The following DNMT3A variants were observed in gnomAD, a reference collection of about 807,000 sequenced individuals.
DNMT3A encodes the protein DNA methyltransferase 3 alpha, also known as DNA (cytosine-5)-methyltransferase 3A.
DNMT3A carries 267 observed loss-of-function variants against 117.6 expected under a neutral mutation model. The ratio of observed to expected loss-of-function variants is 2.27; its 90% CI spans 2.05 to 2.51. The LOEUF (loss-of-function observed/expected upper bound fraction) is 2.51. Among genes scored for constraint, DNMT3A ranks in the 30% most tolerant of loss-of-function variants. The probability of loss-of-function intolerance (pLI) is 0.00; values close to 1 mark genes in which losing one functional copy is unlikely to be tolerated. For missense variants in DNMT3A, 1,029 were observed against 1,260.2 expected (o/e 0.82, Z 2.78); for synonymous variants, 432 against 474.8 (o/e 0.91, Z 1.17).
chr2:25,273,703 G>T (rs760523469), intron 6 of DNMT3A, among the ~76,000 whole-genome samples: 11 of 152,036 alleles, frequency 7.2e-5, no homozygotes, highest in Non-Finnish European at 1.3e-4. Flanking sequence ...GCCCTCCACG[G>T]GCTGTTCCCA....
intron 1 of DNMT3A, among the ~76,000 whole-genome samples, chr2:25,317,495 A>G (rs2034429120): frequency 6.6e-6 from 1 of 152,228 alleles, no homozygotes; most frequent in South Asian, 2.1e-4. Context: ...GCTGATATAT[A>G]ACACAGTCTT....
At chr2:25,342,164 C>T (rs1282892050), upstream of DNMT3A, among the ~76,000 whole-genome samples, 1 of 145,264 alleles carries the variant, frequency 6.9e-6, no homozygotes, top group Non-Finnish European at 1.5e-5. The surrounding 1 kb of genome is among the most constrained non-coding windows in gnomAD (Gnocchi z 5.9). Context: ...GAGGCAGCGC[C>T]GACTGGGGGG....
Position 25,252,272 on chromosome 2 carries a change from G to A in DNMT3A, c.640-4020C>T, listed in dbSNP as rs1355427359. On this transcript the variant is annotated intron_variant, in intron 6 of 22. Coordinates refer to ENST00000321117, the MANE Select transcript of DNMT3A (RefSeq NM_022552.5). The surrounding 1 kb of genome is among the most constrained non-coding windows in gnomAD (Gnocchi z 5.5). ...CCTGAAGCTCTGGAAGTAGCTGCCC[G>A]TCTTGGGGGAGGGGAAGGGGGCGAT... is the stretch of plus-strand genomic sequence containing the variant. The A allele has an allele frequency of 1.8e-6, 2 of 1,131,948 alleles. No homozygotes were observed. Among genetic ancestry groups the A allele is most frequent in the Non-Finnish European group, 2.4e-6 (2 of 837,882 alleles). 70.1% of individuals were successfully genotyped at this position (1,131,948 alleles called of 1,614,324 possible).
intron 12 of DNMT3A, 41 bp downstream of exon 12, chr2:25,245,979 G>A: frequency 6.2e-7 from 1 of 1,613,254 alleles, no homozygotes; most frequent in Non-Finnish European, 8.5e-7. Flanking sequence ...TCTGCCCCAT[G>A]CCACACTAGG....
At chr2:25,341,424 G>C (rs2035444759) in intron 1 of DNMT3A, among the ~76,000 whole-genome samples, 1 of 145,548 alleles carries the variant, frequency 6.9e-6, no homozygotes, top group South Asian at 2.1e-4. Flanking sequence ...GAAGGCGGGG[G>C]CGGCCCGGCC....
rs1675620058 is a variant in DNMT3A at position 25,251,986 on chromosome 2, T to TG, written c.640-3735dup. 4 of 571,308 alleles carry TG rather than the reference T, an allele frequency of 7.0e-6. No homozygotes were observed. Among genetic ancestry groups the TG allele is most frequent in the African/African-American group, 4.0e-5 (2 of 50,442 alleles). The allele number at this position is 571,308 out of a possible 1,614,324, so 35.4% of individuals were successfully genotyped here. On this transcript the variant is annotated intron_variant, in intron 6 of 22. Transcript: ENST00000321117. ...AGGTGCCACTGGAGCCCTCGAGGAG[T>TG]GGGGCCTTGGGGCTCGTGGGCAGGA...
intron 6 of DNMT3A, among the ~76,000 whole-genome samples, chr2:25,274,728 C>T (rs557706100): frequency 6.6e-6 from 1 of 152,362 alleles, no homozygotes; most frequent in South Asian, 2.1e-4. Context: ...AGAGCAGGAA[C>T]CGTATACGCC....
chr2:25,319,609 G>A lies in DNMT3A; in HGVS notation c.-177-5448C>T, dbSNP rs528839344. The stretch of plus-strand genomic sequence containing the variant: ...GCCGCATGCCAGTCACCTGGCATGA[G>A]CCAGAGAGGGCCAGCCTTCCCACTG... On this transcript the variant is annotated intron_variant, in intron 1 of 22. Coordinates refer to ENST00000321117, the MANE Select transcript of DNMT3A (RefSeq NM_022552.5). 1.3e-3 allele frequency among the ~76,000 whole-genome samples: 198 copies of A among 152,368 alleles called. 1 individual carries two copies. Among genetic ancestry groups the A allele is most frequent in the African/African-American group, 4.4e-3 (185 of 41,592 alleles).
Position 25,240,678 on chromosome 2 carries a change from TC to T in DNMT3A, c.2134del (p.Asp712ThrfsTer67), listed in dbSNP as rs1673911721. On this transcript the variant is annotated frameshift_variant, in exon 18 of 23. Coordinates refer to ENST00000321117, the MANE Select transcript of DNMT3A (RefSeq NM_022552.5). LOFTEE classifies it high-confidence loss of function. Reference protein sequence around the residue: ...DLVIGGSPCNDLSIVNPARKG... With the variant: ...DLVIGGSPCNXLSIVNPARKG... ...GCGAGCAGGGTTGACGATGGAGAGG[TC>T]ATTGCAGGGACTGCCCCCAATCACC... 1.2e-6 allele frequency: 2 copies of T among 1,613,744 alleles called. No homozygotes were observed. The highest frequency in any genetic ancestry group is 1.7e-5 in the Admixed American group (1 of 59,972).
At chr2:25,249,198 C>A (rs1304276942) in intron 6 of DNMT3A, among the ~76,000 whole-genome samples, 1 of 152,174 alleles carries the variant, frequency 6.6e-6, no homozygotes, top group African/African-American at 2.4e-5. Context: ...TCAAGACCAG[C>A]CTGGGCAACA....
intron 4 of DNMT3A, among the ~76,000 whole-genome samples, chr2:25,275,986 C>T (rs1227754434): frequency 6.6e-6 from 1 of 152,080 alleles, no homozygotes; most frequent in Non-Finnish European, 1.5e-5. Flanking sequence ...CCAGCCTGAG[C>T]GGCCTCCCTG....
chr2:25,303,688 T>C (rs1019919343), intron 2 of DNMT3A, among the ~76,000 whole-genome samples: 3 of 152,250 alleles, frequency 2.0e-5, no homozygotes, highest in Admixed American at 1.3e-4. Context: ...CCCTTGACAT[T>C]TGGCCCTAAG....
chr2:25,234,951 T>C lies in DNMT3A; in HGVS notation c.2598-531A>G, dbSNP rs1673187745. ...TGTTTGTGTAAATGGTCTCTTTGTC[T>C]GGCTAAATCCTAGTTACACTCAGAG... On this transcript the variant is annotated intron_variant, in intron 22 of 22. Transcript: ENST00000321117. This position sits in a 1 kb window ranked among gnomAD's most constrained non-coding sequence, Gnocchi z 4.5. Among the ~76,000 whole-genome samples, 1 of 152,164 alleles carries C rather than the reference T, an allele frequency of 6.6e-6. No homozygotes were observed. The highest frequency in any genetic ancestry group is 1.5e-5 in the Non-Finnish European group (1 of 68,032).
intron 3 of DNMT3A, among the ~76,000 whole-genome samples, chr2:25,285,634 C>A (rs1558708021): frequency 6.6e-6 from 1 of 152,206 alleles, no homozygotes; most frequent in Non-Finnish European, 1.5e-5. Context: ...TGCTTGGGGG[C>A]TTGGGCTGAT....
rs2035242678 is a variant in DNMT3A, at chr2:25,337,013, C to A, written c.-178+4813G>T. Among the ~76,000 whole-genome samples, 1 of 152,218 alleles carries A rather than the reference C, an allele frequency of 6.6e-6. No individual in the cohort carries two copies. The highest frequency in any genetic ancestry group is 2.4e-5 in the African/African-American group (1 of 41,460). On this transcript the variant is annotated intron_variant, in intron 1 of 22. Coordinates refer to ENST00000321117, the MANE Select transcript of DNMT3A (RefSeq NM_022552.5). This position sits in a 1 kb window ranked among gnomAD's most constrained non-coding sequence, Gnocchi z 5.0. Reference sequence around the variant, plus strand: ...TGGGCGCATCCTAAACACACCGTGTCCCCTCAAAGCCAGCACAGGGCATGG... The same window carrying A: ...TGGGCGCATCCTAAACACACCGTGTACCCTCAAAGCCAGCACAGGGCATGG...
intron 4 of DNMT3A, among the ~76,000 whole-genome samples, chr2:25,278,008 C>CACAG (rs1371074198): frequency 1.3e-5 from 1 of 79,200 alleles, no homozygotes; most frequent in African/African-American, 3.9e-5. Flanking sequence ...TGATCACACA[C>CACAG]ACACACACAC....
chr2:25,318,537 T>C (rs925830107), intron 1 of DNMT3A, among the ~76,000 whole-genome samples: 2 of 151,702 alleles, frequency 1.3e-5, no homozygotes, highest in African/African-American at 4.8e-5. Context: ...CCACCCACCT[T>C]GGCCTCCCAA....
At position 25,339,876 on chromosome 2, in the gene DNMT3A, C is replaced by A. The variant is rs1219885112; in HGVS notation, c.-178+1950G>T. 6.6e-6 allele frequency among the ~76,000 whole-genome samples: 1 copy of A among 152,226 alleles called. No individual in the cohort carries two copies. The highest frequency in any genetic ancestry group is 2.4e-5 in the African/African-American group (1 of 41,450). ...CCTGGCTGCAGCTGTCACATCTGCC[C>A]GCGAGGGAGGAGGCGACACTGGAGC... On this transcript the variant is annotated intron_variant, in intron 1 of 22. Transcript: ENST00000321117. This position sits in a 1 kb window ranked among gnomAD's most constrained non-coding sequence, Gnocchi z 4.9.
chr2:25,231,366 AAG>A lies in DNMT3A; in HGVS notation c.*2911_*2912del, dbSNP rs1364769015. 1.3e-5 allele frequency: 2 copies of A among 152,266 alleles called. No homozygotes were observed. The highest frequency in any genetic ancestry group is 4.8e-5 in the African/African-American group (2 of 41,446). 9.4% of individuals were successfully genotyped at this position (152,266 alleles called of 1,614,324 possible). A position where few individuals can be genotyped will look rare whatever the true frequency, so the allele number is the denominator to read the frequency against. On this transcript the variant is annotated 3_prime_UTR_variant, in exon 23 of 23. Transcript: ENST00000321117. The stretch of plus-strand genomic sequence containing the variant: ...CACAGCAGCCCAGTCACCACCTGTC[AAG>A]AGGTGACAGGAAGCAACTGGGCATG...
Sources: gnomAD v4.1 joint callset for allele counts (sites outside exome capture counted in the v4.1 genomes callset) on GRCh38, gnomAD v4.1.1 for gene constraint, Gnocchi (gnomAD v3.1) non-coding constraint, MANE v1.5 for transcripts, NCBI Gene and HGNC (gene_info 2026-07-23, HGNC 2026-07-21) for gene names.